The following SEC61A1 variants were observed in gnomAD, a reference collection of about 807,000 sequenced individuals.
The protein encoded by SEC61A1 is protein transport protein Sec61 subunit alpha isoform 1.
In SEC61A1, 15 loss-of-function variants were observed where a neutral mutation model predicts 55.2. The observed-to-expected ratio is 0.27, with a 90% CI of 0.18 to 0.42. The LOEUF is 0.42. Among genes scored for constraint, SEC61A1 ranks in the 10% least tolerant of loss-of-function variants. The probability of loss-of-function intolerance (pLI) is 1.00; values close to 1 mark genes in which losing one functional copy is unlikely to be tolerated. For missense variants in SEC61A1, 284 were observed against 602.6 expected (o/e 0.47, Z 5.53); for synonymous variants, 247 against 234.0 (o/e 1.06, Z -0.51).
chr3:128,069,415 G>C, intron 11 of SEC61A1, 61 bp from the exon 12 acceptor site: 1 of 1,524,248 alleles, frequency 6.6e-7, no homozygotes, highest in Non-Finnish European at 8.9e-7. Context: ...GAGCCTGTTG[G>C]CCGCCTGGCT....
At chr3:128,058,385 T>G (rs548761971) in intron 5 of SEC61A1, among the ~76,000 whole-genome samples, 1 of 152,116 alleles carries the variant, frequency 6.6e-6, no homozygotes, top group South Asian at 2.1e-4. Context: ...ATTTTTTGTA[T>G]TTTTAGTAAA....
Position 128,060,604 on chromosome 3 carries a change from A to G in SEC61A1, c.559A>G (p.Ile187Val). Residue 187 changes from isoleucine to valine, a missense_variant, in exon 7 of 12, where the codon ATC (isoleucine) becomes GTC (valine). Ile to Val is a conservative substitution (Grantham distance 29). Transcript: ENST00000243253. ...SGISLFIATN[I>V]CETIVWKAFS... Reference sequence around the variant, plus strand: ...TATTTCTCTCTTCATTGCAACTAACATCTGTGAAACCATCGTATGGAAGGC... The same window carrying G: ...TATTTCTCTCTTCATTGCAACTAACGTCTGTGAAACCATCGTATGGAAGGC... 3.7e-6 allele frequency: 6 copies of G among 1,614,154 alleles called. No homozygotes were observed. The highest frequency in any genetic ancestry group is 5.1e-6 in the Non-Finnish European group (6 of 1,180,038).
chr3:128,058,774 G>A (rs1207270181), intron 5 of SEC61A1, among the ~76,000 whole-genome samples: 2 of 152,166 alleles, frequency 1.3e-5, no homozygotes, highest in Non-Finnish European at 2.9e-5. Flanking sequence ...GCTGAGGTGG[G>A]AGGATCACTT....
intron 5 of SEC61A1, among the ~76,000 whole-genome samples, chr3:128,058,201 A>AT (rs57508280): frequency 0.5 from 40,141 of 79,542 alleles, 13,028 homozygotes; most frequent in East Asian, 0.7. Flanking sequence ...AAATACGTCT[A>AT]TTTTTTTTTT....
rs1399342102 is a variant in SEC61A1 at position 128,068,072 on chromosome 3, C to T, written c.1244+13C>T. 6.2e-7 allele frequency: 1 copy of T among 1,610,076 alleles called. No individual in the cohort carries two copies. The highest frequency in any genetic ancestry group is 8.5e-7 in the Non-Finnish European group (1 of 1,176,714). On this transcript the variant is annotated intron_variant, in intron 11 of 11. Transcript: ENST00000243253. ...ATGAACTCAACCGGTGAGTGGTGGCCCCAGGTCCCCAACCTCCCGTCTGTG... is the reference window on the plus strand; with the variant it reads ...ATGAACTCAACCGGTGAGTGGTGGCTCCAGGTCCCCAACCTCCCGTCTGTG...
At chr3:128,053,419 C>G (rs1446583063) in intron 2 of SEC61A1, among the ~76,000 whole-genome samples, 1 of 152,116 alleles carries the variant, frequency 6.6e-6, no homozygotes, top group Non-Finnish European at 1.5e-5. Flanking sequence ...TTTTCACAGA[C>G]GGTGTATTAA....
intron 8 of SEC61A1, 109 bp downstream of exon 8, chr3:128,065,146 G>A (rs769076533): frequency 1.7e-6 from 2 of 1,191,810 alleles, no homozygotes; most frequent in Admixed American, 3.4e-5. Flanking sequence ...ATATTGTGTT[G>A]AAACGATGAG....
At chr3:128,060,732 C>T in intron 7 of SEC61A1, 71 bp downstream of exon 7, 1 of 1,427,208 alleles carries the variant, frequency 7.0e-7, no homozygotes, top group Non-Finnish European at 9.6e-7. Flanking sequence ...AAGCAGAAGA[C>T]AAAAATCCCC....
chr3:128,061,405 G>A (rs1228968091), intron 7 of SEC61A1, among the ~76,000 whole-genome samples: 3 of 152,228 alleles, frequency 2.0e-5, no homozygotes, highest in African/African-American at 7.2e-5. Context: ...TGACTTATTA[G>A]GGAAAGGAAA....
intron 5 of SEC61A1, among the ~76,000 whole-genome samples, chr3:128,058,128 T>G (rs1424306510): frequency 6.6e-6 from 1 of 151,922 alleles, no homozygotes; most frequent in Non-Finnish European, 1.5e-5. Flanking sequence ...TATCCAGTCA[T>G]CTTTTCGCCT....
At position 128,069,928 on chromosome 3, in the gene SEC61A1, G is replaced by A. The variant is rs1942109994; in HGVS notation, c.*266G>A. Reference sequence around the variant, plus strand: ...GAATGGTATAGGATTGTCCCCAAGTGTCCATGTAACTTTTGTTTTAACCTT... The same window carrying A: ...GAATGGTATAGGATTGTCCCCAAGTATCCATGTAACTTTTGTTTTAACCTT... On this transcript the variant is annotated 3_prime_UTR_variant, in exon 12 of 12. Transcript: ENST00000243253. The A allele has an allele frequency of 5.4e-6, 2 of 371,744 alleles. No homozygotes were observed. Among genetic ancestry groups the A allele is most frequent in the South Asian group, 9.1e-5 (2 of 22,044 alleles). The allele number at this position is 371,744 out of a possible 1,614,324, so 23.0% of individuals were successfully genotyped here. A position where few individuals can be genotyped will look rare whatever the true frequency, so the allele number is the denominator to read the frequency against.
At chr3:128,053,712 C>A (rs1019816094) in intron 2 of SEC61A1, among the ~76,000 whole-genome samples, 1 of 152,178 alleles carries the variant, frequency 6.6e-6, no homozygotes, top group Admixed American at 6.5e-5. Flanking sequence ...AAGCTTTACC[C>A]CCTCAATTCC....
intron 2 of SEC61A1, among the ~76,000 whole-genome samples, chr3:128,055,093 A>G (rs1941752747): frequency 6.6e-6 from 1 of 151,612 alleles, no homozygotes. Flanking sequence ...ACTGAAACTC[A>G]AATGAAAAGT....
chr3:128,063,926 T>C (rs1941892148), intron 7 of SEC61A1, among the ~76,000 whole-genome samples: 1 of 152,202 alleles, frequency 6.6e-6, no homozygotes, highest in Admixed American at 6.5e-5. Flanking sequence ...GTTACTCTGT[T>C]GTCTGGTTCT....
chr3:128,062,628 T>C (rs1941867529), intron 7 of SEC61A1, among the ~76,000 whole-genome samples: 1 of 152,156 alleles, frequency 6.6e-6, no homozygotes, highest in Admixed American at 6.5e-5. Context: ...AGTGGTCATA[T>C]TGGTTAGATG....
intron 2 of SEC61A1, 112 bp downstream of exon 2, chr3:128,053,014 C>T (rs1456792362): frequency 2.6e-6 from 2 of 759,006 alleles, no homozygotes; most frequent in South Asian, 1.7e-5. Context: ...TCTCCCTTCT[C>T]TTCCCTTGGA....
intron 7 of SEC61A1, among the ~76,000 whole-genome samples, chr3:128,063,584 G>C (rs9864797): frequency 0.87 from 133,063 of 152,202 alleles, 58,499 homozygotes; most frequent in African/African-American, 0.97. Context: ...ATCCGCCCGC[G>C]TCAGTCTCCC....
chr3:128,052,415 C>G, upstream of SEC61A1: 1 of 1,242,880 alleles, frequency 8.0e-7, no homozygotes, highest in Non-Finnish European at 1.0e-6. Context: ...CGCGCCGCGC[C>G]GCTTGCCGCC....
At position 128,071,412 on chromosome 3, in the gene SEC61A1, G is replaced by A; in HGVS notation, c.*1750G>A. 1 of 152,798 alleles carries A rather than the reference G, an allele frequency of 6.5e-6. No homozygotes were observed. Among genetic ancestry groups the A allele is most frequent in the Admixed American group, 6.5e-5 (1 of 15,312 alleles). 9.5% of individuals were successfully genotyped at this position (152,798 alleles called of 1,614,324 possible). A position where few individuals can be genotyped will look rare whatever the true frequency, so the allele number is the denominator to read the frequency against. The stretch of plus-strand genomic sequence containing the variant: ...CCTCCCCCAGCCCACGCTTAGGAAT[G>A]CTTGGCCTCTGGCAGGCAGGCAGCT... On this transcript the variant is annotated 3_prime_UTR_variant, in exon 12 of 12. Transcript: ENST00000243253.
Sources: gnomAD v4.1 joint callset for allele counts (sites outside exome capture counted in the v4.1 genomes callset) on GRCh38, gnomAD v4.1.1 for gene constraint, MANE v1.5 for transcripts, NCBI Gene and HGNC (gene_info 2026-07-23, HGNC 2026-07-21) for gene names.